Variants in SPRY3 observed in about 807,000 individuals in gnomAD.
SPRY3 encodes sprouty RTK signaling antagonist 3.
SPRY3 carries 15 observed loss-of-function variants against 20.2 expected under a neutral mutation model. That is an observed-to-expected ratio of 0.74 (90% confidence interval 0.50 to 1.14). The LOEUF (loss-of-function observed/expected upper bound fraction) is 1.14, where lower values mean the gene tolerates loss of function less well. Among genes scored for constraint, SPRY3 ranks in the 50% most tolerant of loss-of-function variants. The pLI is 0.00. For missense variants in SPRY3, 364 were observed against 363.9 expected, an observed-to-expected ratio of 1.00 and a Z score of 0.00; for synonymous variants, 143 against 136.5, an observed-to-expected ratio of 1.05 and a Z score of -0.33.
chrX:155,616,901 T>C (rs782807917), intron 1 of SPRY3, among the ~76,000 whole-genome samples: 15 of 110,604 alleles, frequency 1.4e-4, no homozygotes, highest in Non-Finnish European at 2.6e-4. Flanking sequence ...AACCGTCCAG[T>C]AATATCCTAC....
At chrX:155,734,869 T>C (rs971131187) in intron 2 of SPRY3, among the ~76,000 whole-genome samples, 2 of 151,968 alleles carry the variant, frequency 1.3e-5, no homozygotes, top group Non-Finnish European at 2.9e-5. Context: ...GCTGCCCTAA[T>C]TTTACTATTT....
chrX:155,723,027 G>A (rs1250761066), intron 2 of SPRY3, among the ~76,000 whole-genome samples: 1 of 149,292 alleles, frequency 6.7e-6, no homozygotes, highest in Non-Finnish European at 1.5e-5. Flanking sequence ...GTGAGAACAT[G>A]CAGTGTTTGG....
chrX:155,719,868 C>T (rs1047451947), intron 2 of SPRY3, among the ~76,000 whole-genome samples: 21 of 152,046 alleles, frequency 1.4e-4, no homozygotes, highest in Non-Finnish European at 3.1e-4. Context: ...AAGACATTCC[C>T]GGCTGTGGTG....
chrX:155,773,822 T>C, exon 4 of SPRY3: 1 of 1,577,100 alleles, frequency 6.3e-7, no homozygotes, highest in Non-Finnish European at 8.6e-7. Flanking sequence ...TTTATCACCA[T>C]AAGTGCCACC....
intron 2 of SPRY3, among the ~76,000 whole-genome samples, chrX:155,758,559 T>TTATC (rs2091292003): frequency 6.6e-6 from 1 of 152,198 alleles, no homozygotes; most frequent in South Asian, 2.1e-4. Context: ...GATCAGCTTT[T>TTATC]TATCTGGCAC....
At chrX:155,732,168 G>A (rs2091137235) in intron 2 of SPRY3, among the ~76,000 whole-genome samples, 1 of 152,002 alleles carries the variant, frequency 6.6e-6, no homozygotes, top group Non-Finnish European at 1.5e-5. Context: ...AGATGATTCT[G>A]ATGTTAGTTC....
intron 2 of SPRY3, among the ~76,000 whole-genome samples, chrX:155,738,145 C>A (rs773185463): frequency 6.6e-6 from 1 of 151,912 alleles, no homozygotes; most frequent in East Asian, 1.9e-4. Context: ...AGTTCTTATA[C>A]CTGAGACCAA....
At chrX:155,637,712 G>C (rs1472223250) in intron 1 of SPRY3, among the ~76,000 whole-genome samples, 1 of 111,506 alleles carries the variant, frequency 9.0e-6, no homozygotes, top group Non-Finnish European at 1.9e-5. Context: ...TCTTCCCTTT[G>C]TTCCCCCCTA....
At chrX:155,687,276 A>C (rs1448823321) in intron 2 of SPRY3, among the ~76,000 whole-genome samples, 1 of 112,722 alleles carries the variant, frequency 8.9e-6, no homozygotes, top group East Asian at 2.8e-4. Flanking sequence ...TGATCAGGCA[A>C]TGTGCCAAGC....
chrX:155,735,082 T>A (rs1354084240), intron 2 of SPRY3, among the ~76,000 whole-genome samples: 6 of 151,924 alleles, frequency 3.9e-5, no homozygotes, highest in Non-Finnish European at 7.4e-5. Flanking sequence ...AAATTTAACT[T>A]TTTCTGAGAT....
chrX:155,774,818 G>C (rs1400824023), exon 4 of SPRY3: 9 of 1,492,218 alleles, frequency 6.0e-6, no homozygotes, highest in African/African-American at 2.8e-5. Flanking sequence ...TGGAGAGGGG[G>C]AGGAGTGATA....
chrX:155,735,583 T>A (rs1396905187), intron 2 of SPRY3, among the ~76,000 whole-genome samples: 1 of 152,040 alleles, frequency 6.6e-6, no homozygotes. Flanking sequence ...CCCTGAAGAT[T>A]TTTCTTGCTC....
intron 2 of SPRY3, among the ~76,000 whole-genome samples, chrX:155,755,328 C>A (rs898547564): frequency 6.6e-6 from 1 of 152,050 alleles, no homozygotes; most frequent in African/African-American, 2.4e-5. Flanking sequence ...GCTTCCCAAT[C>A]TTCAGTCTTC....
intron 2 of SPRY3, among the ~76,000 whole-genome samples, chrX:155,746,837 T>G (rs1305997220): frequency 6.6e-6 from 1 of 152,022 alleles, no homozygotes; most frequent in Non-Finnish European, 1.5e-5. Context: ...AATGATGGAA[T>G]GGTCAGGACT....
chrX:155,683,984 C>T (rs867901573), intron 2 of SPRY3, among the ~76,000 whole-genome samples: 5 of 110,202 alleles, frequency 4.5e-5, no homozygotes, highest in Non-Finnish European at 9.5e-5. Context: ...CATGGGCAGC[C>T]CACTGAGAGG....
At chrX:155,707,268 G>T (rs2090958574) in intron 2 of SPRY3, among the ~76,000 whole-genome samples, 2 of 151,220 alleles carry the variant, frequency 1.3e-5, no homozygotes, top group South Asian at 4.2e-4. Flanking sequence ...AAGTGTAGTT[G>T]AATATTTCCA....
intron 3 of SPRY3, among the ~76,000 whole-genome samples, chrX:155,771,275 T>C (rs2091379597): frequency 6.6e-6 from 1 of 152,186 alleles, no homozygotes; most frequent in African/African-American, 2.4e-5. Flanking sequence ...CATTATTGTT[T>C]CTGAGTCATT....
At chrX:155,745,885 TA>T (rs1465567364) in intron 2 of SPRY3, among the ~76,000 whole-genome samples, 1 of 152,036 alleles carries the variant, frequency 6.6e-6, no homozygotes, top group East Asian at 1.9e-4. Flanking sequence ...ACTTGAATTG[TA>T]ACCTGGCCTT....
At chrX:155,685,755 A>T (rs901260088) in intron 2 of SPRY3, among the ~76,000 whole-genome samples, 7 of 100,746 alleles carry the variant, frequency 6.9e-5, no homozygotes, top group African/African-American at 2.8e-4. Flanking sequence ...GTTCTTTTTT[A>T]TAGCTGCATA....
Sources: allele counts gnomAD v4.1 joint callset (sites outside exome capture counted in the v4.1 genomes callset), GRCh38; gene constraint gnomAD v4.1.1; transcripts MANE v1.5; gene names NCBI Gene and HGNC (gene_info 2026-07-23, HGNC 2026-07-21).